Variants in CRISP1 observed in about 807,000 individuals in gnomAD.
The protein encoded by CRISP1 is cysteine-rich secretory protein 1.
Under a neutral mutation model 33.1 loss-of-function variants are expected in CRISP1, and 44 were observed. That is an observed-to-expected ratio of 1.33 (90% CI 1.05 to 1.71). CRISP1 has a LOEUF of 1.71. CRISP1 is among the 40% of genes most tolerant of loss of function. CRISP1 has a pLI of 0.00. For synonymous variants in CRISP1, 103 were observed against 98.7 expected, an observed-to-expected ratio of 1.04 and a Z score of -0.26; for missense variants, 390 against 301.2, an observed-to-expected ratio of 1.29 and a Z score of -2.18.
upstream of CRISP1, among the ~76,000 whole-genome samples, chr6:49,869,752 A>G (rs967328391): frequency 6.6e-6 from 1 of 152,196 alleles, no homozygotes; most frequent in African/African-American, 2.4e-5. Context: ...TATGGTCTAA[A>G]TGTTGGTGTC....
At chr6:49,866,028 G>A (rs1327966485) in intron 1 of CRISP1, among the ~76,000 whole-genome samples, 1 of 152,060 alleles carries the variant, frequency 6.6e-6, no homozygotes, top group African/African-American at 2.4e-5. Flanking sequence ...AGTGACAGAG[G>A]ACCACTACCT....
chr6:49,845,818 C>A (rs1250364232), intron 5 of CRISP1, among the ~76,000 whole-genome samples: 1 of 151,734 alleles, frequency 6.6e-6, no homozygotes, highest in Non-Finnish European at 1.5e-5. Context: ...ACAATTCTGA[C>A]ACATGCTACA....
chr6:49,846,076 G>A (rs1436808290), intron 5 of CRISP1, among the ~76,000 whole-genome samples: 1 of 152,142 alleles, frequency 6.6e-6, no homozygotes, highest in Non-Finnish European at 1.5e-5. Context: ...ACAACGATTT[G>A]AGTGGACTTA....
At chr6:49,838,040 G>A (rs1770860225) in intron 7 of CRISP1, among the ~76,000 whole-genome samples, 1 of 152,178 alleles carries the variant, frequency 6.6e-6, no homozygotes, top group Non-Finnish European at 1.5e-5. Context: ...TGGGTAGGTA[G>A]TCATGGAGGG....
chr6:49,853,760 C>G (rs1370213744), intron 2 of CRISP1, among the ~76,000 whole-genome samples: 4 of 152,120 alleles, frequency 2.6e-5, no homozygotes, highest in South Asian at 2.1e-4. Context: ...TTTCACAACT[C>G]TCCTTTTGCA....
chr6:49,840,262 T>C (rs1479824870), intron 6 of CRISP1, among the ~76,000 whole-genome samples: 2 of 152,188 alleles, frequency 1.3e-5, no homozygotes, highest in Non-Finnish European at 2.9e-5. Context: ...TGCTTCATAA[T>C]CACAGTTGAT....
intron 1 of CRISP1, among the ~76,000 whole-genome samples, chr6:49,859,986 T>A (rs1771602804): frequency 6.6e-6 from 1 of 151,978 alleles, no homozygotes; most frequent in African/African-American, 2.4e-5. Context: ...AGCTATAAGA[T>A]AAAACAGACT....
At chr6:49,851,080 C>T (rs1419624805) in intron 3 of CRISP1, among the ~76,000 whole-genome samples, 1 of 152,198 alleles carries the variant, frequency 6.6e-6, no homozygotes, top group African/African-American at 2.4e-5. Context: ...TTGGCTACAA[C>T]ACCATGCAGG....
intron 5 of CRISP1, 101 bp from the exon 6 acceptor site, chr6:49,841,096 T>C: frequency 9.2e-7 from 1 of 1,092,128 alleles, no homozygotes; most frequent in Non-Finnish European, 1.3e-6. Flanking sequence ...ATGTTGCTTT[T>C]AGGTTTACTT....
chr6:49,866,048 T>C (rs1396431571), intron 1 of CRISP1, among the ~76,000 whole-genome samples: 1 of 152,198 alleles, frequency 6.6e-6, no homozygotes, highest in Non-Finnish European at 1.5e-5. Context: ...TGTTTGACTA[T>C]GGCCCCTTAT....
intron 1 of CRISP1, among the ~76,000 whole-genome samples, chr6:49,865,830 A>G (rs1771786780): frequency 6.6e-6 from 1 of 152,170 alleles, no homozygotes; most frequent in African/African-American, 2.4e-5. Flanking sequence ...GGCAGATGGA[A>G]AGACTGCAGA....
chr6:49,840,899 C>A lies in CRISP1; in HGVS notation c.532G>T (p.Glu178Ter). The A allele has an allele frequency of 6.2e-7, 1 of 1,610,850 alleles. No homozygotes were observed. Among genetic ancestry groups the A allele is most frequent in the Non-Finnish European group, 8.5e-7 (1 of 1,177,734 alleles). The change falls in exon 6 of 8, where the codon GAG becomes TAG. Residue 178 changes from glutamate (E) to a stop codon, truncating the protein, a stop_gained and splice_region_variant. Coordinates refer to ENST00000335847, the MANE Select transcript of CRISP1 (RefSeq NM_001131.3). LOFTEE classifies it high-confidence loss of function. ...ATTTTAAAAACTAATAATACATACT[C>A]ATGACAATAGTGACAAACGTAGAGA... is the stretch of plus-strand genomic sequence containing the variant. The part of the protein sequence containing the change: ...RYLYVCHYCH[E>*]GNDPETKNEP...
chr6:49,862,584 TA>T (rs1243964550), intron 1 of CRISP1, among the ~76,000 whole-genome samples: 1 of 152,068 alleles, frequency 6.6e-6, no homozygotes, highest in African/African-American at 2.4e-5. Flanking sequence ...GAAGAAAACT[TA>T]TTATGATCTC....
chr6:49,856,737 A>G (rs570167079), intron 2 of CRISP1, among the ~76,000 whole-genome samples: 1 of 152,200 alleles, frequency 6.6e-6, no homozygotes, highest in South Asian at 2.1e-4. Context: ...TATATCATTG[A>G]AGTTATTTAA....
intron 2 of CRISP1, among the ~76,000 whole-genome samples, chr6:49,857,068 G>A (rs146555761): frequency 9.8e-4 from 149 of 152,236 alleles, no homozygotes; most frequent in African/African-American, 3.5e-3. Flanking sequence ...TGGACCCACA[G>A]AGCTAACTGA....
chr6:49,840,280 G>A (rs1199943895), intron 6 of CRISP1, among the ~76,000 whole-genome samples: 3 of 152,194 alleles, frequency 2.0e-5, no homozygotes, highest in Admixed American at 6.5e-5. Context: ...GATAGGAGAA[G>A]AAGGTGCAGC....
At chr6:49,861,246 G>T (rs1771644112) in intron 1 of CRISP1, among the ~76,000 whole-genome samples, 1 of 152,040 alleles carries the variant, frequency 6.6e-6, no homozygotes, top group African/African-American at 2.4e-5. Flanking sequence ...CATTCTAAAA[G>T]GCTGCCATTA....
At chr6:49,866,850 A>G (rs575747698), upstream of CRISP1, among the ~76,000 whole-genome samples, 3 of 152,232 alleles carry the variant, frequency 2.0e-5, no homozygotes, top group Non-Finnish European at 2.9e-5. Context: ...TCATTCAGTA[A>G]TTATTTATTG....
intron 1 of CRISP1, among the ~76,000 whole-genome samples, chr6:49,875,920 G>A (rs186247406): frequency 8.7e-4 from 132 of 151,870 alleles, no homozygotes; most frequent in African/African-American, 3.0e-3. Flanking sequence ...AGACTTAAAC[G>A]TCAAACCCCA....
Sources: gnomAD v4.1 joint callset for allele counts (sites outside exome capture counted in the v4.1 genomes callset) on GRCh38, gnomAD v4.1.1 for gene constraint, MANE v1.5 for transcripts, NCBI Gene and HGNC (gene_info 2026-07-23, HGNC 2026-07-21) for gene names.